Variants in DTWD1 observed in about 807,000 individuals in gnomAD.
DTWD1 encodes the protein DTW motif tRNA-uridine aminocarboxypropyltransferase 1.
A neutral mutation model predicts 30.2 loss-of-function variants in DTWD1; 27 were observed. The ratio of observed to expected loss-of-function variants is 0.90; its 90% CI spans 0.66 to 1.23. The LOEUF is 1.23. Ranked by LOEUF, DTWD1 falls within the 50% of genes most tolerant of loss-of-function variation. DTWD1 has a pLI of 0.00. For synonymous variants in DTWD1, 99 were observed against 113.1 expected, an observed-to-expected ratio of 0.88 and a Z score of 0.79; for missense variants, 342 against 348.8, an observed-to-expected ratio of 0.98 and a Z score of 0.15.
intron 4 of DTWD1, among the ~76,000 whole-genome samples, chr15:49,635,980 C>G (rs577212746): frequency 6.6e-6 from 1 of 152,266 alleles, no homozygotes; most frequent in East Asian, 1.9e-4. Flanking sequence ...TCTCATCCAG[C>G]TTTCCCCACA....
chr15:49,654,911 C>T lies in DTWD1; in HGVS notation c.*11333C>T, dbSNP rs1236558945. On this transcript the variant is annotated 3_prime_UTR_variant, in exon 5 of 5. Transcript: ENST00000403028. Reference sequence around the variant, plus strand: ...AGCATGGTTAGGTGTTTAGTGGGCGCTCCCTTCCTGGTTTGCAGACAGCCA... The same window carrying T: ...AGCATGGTTAGGTGTTTAGTGGGCGTTCCCTTCCTGGTTTGCAGACAGCCA... 2 of 152,058 alleles carry T rather than the reference C, an allele frequency of 1.3e-5. No homozygotes were observed. The highest frequency in any genetic ancestry group is 2.9e-5 in the Non-Finnish European group (2 of 67,988). The allele number at this position is 152,058 out of a possible 1,614,324, so 9.4% of individuals were successfully genotyped here. A position where few individuals can be genotyped will look rare whatever the true frequency, so the allele number is the denominator to read the frequency against.
rs1232350537 is a variant in DTWD1 at position 49,653,112 on chromosome 15, T to C, written c.*9534T>C. 6.6e-6 allele frequency: 1 copy of C among 152,128 alleles called. No homozygotes were observed. Among genetic ancestry groups the C allele is most frequent in the Non-Finnish European group, 1.5e-5 (1 of 68,016 alleles). The allele number at this position is 152,128 out of a possible 1,614,324, so 9.4% of individuals were successfully genotyped here. Reference sequence around the variant, plus strand: ...ACAGAAATTGGTATCAGGAGTGGGGTGTTACCATAACAAAAGGTTAAACCT... The same window carrying C: ...ACAGAAATTGGTATCAGGAGTGGGGCGTTACCATAACAAAAGGTTAAACCT... On this transcript the variant is annotated 3_prime_UTR_variant, in exon 5 of 5. Transcript: ENST00000403028.
At chr15:49,621,936 A>G (rs977704301) in intron 1 of DTWD1, among the ~76,000 whole-genome samples, 14 of 152,216 alleles carry the variant, frequency 9.2e-5, no homozygotes, top group Admixed American at 8.5e-4. Context: ...TCCACAATAT[A>G]GGACAGGGGA....
At chr15:49,633,057 A>ATC (rs1567739412) in intron 3 of DTWD1, among the ~76,000 whole-genome samples, 3 of 146,046 alleles carry the variant, frequency 2.1e-5, no homozygotes, top group African/African-American at 7.4e-5. Context: ...ATCTATATAT[A>ATC]TATATATATA....
At position 49,625,107 on chromosome 15, in the gene DTWD1, T is replaced by G; in HGVS notation, c.-55-6T>G. ...TTTTCCTTCTCTTGATACTTTTTTT[T>G]TACAGTGCACCTATGATATGTGTTT... On this transcript the variant is annotated splice_polypyrimidine_tract_variant and splice_region_variant and intron_variant, in intron 1 of 4. Transcript: ENST00000403028. The G allele has an allele frequency of 6.8e-7, 1 of 1,477,114 alleles. No individual in the cohort carries two copies. The highest frequency in any genetic ancestry group is 9.2e-7 in the Non-Finnish European group (1 of 1,089,762). The allele number at this position is 1,477,114 out of a possible 1,614,324, so 91.5% of individuals were successfully genotyped here. A position where few individuals can be genotyped will look rare whatever the true frequency, so the allele number is the denominator to read the frequency against.
chr15:49,621,255 G>C (rs1391859808), intron 1 of DTWD1, 133 bp downstream of exon 1: 1 of 152,072 alleles, frequency 6.6e-6, no homozygotes, highest in East Asian at 1.9e-4. Context: ...GCTGGGTGTC[G>C]CCTGTGAGGG....
chr15:49,626,622 C>T (rs2078847889), intron 2 of DTWD1: 2 of 311,840 alleles, frequency 6.4e-6, no homozygotes, highest in African/African-American at 4.3e-5. Context: ...CTCATTAGAA[C>T]TTGCCAGTAA....
chr15:49,628,867 T>C (rs532519164), intron 2 of DTWD1, among the ~76,000 whole-genome samples: 2 of 152,330 alleles, frequency 1.3e-5, no homozygotes, highest in African/African-American at 4.8e-5. Flanking sequence ...AATTATACTT[T>C]AAGTTCTTGG....
chr15:49,641,438 A>G (rs1027826786), intron 4 of DTWD1, among the ~76,000 whole-genome samples: 4 of 151,908 alleles, frequency 2.6e-5, no homozygotes, highest in Admixed American at 6.6e-5. Flanking sequence ...CCTGGTTCAC[A>G]TTGTTATTGT....
At chr15:49,628,365 C>G (rs73406052) in intron 2 of DTWD1, among the ~76,000 whole-genome samples, 1 of 152,078 alleles carries the variant, frequency 6.6e-6, no homozygotes, top group African/African-American at 2.4e-5. Flanking sequence ...TGTAGTATAG[C>G]AAATATATAA....
At chr15:49,635,436 A>G (rs2078988119) in intron 4 of DTWD1, among the ~76,000 whole-genome samples, 1 of 152,152 alleles carries the variant, frequency 6.6e-6, no homozygotes, top group South Asian at 2.1e-4. Context: ...CTAAGAAGTT[A>G]GATCTTCTAT....
intron 4 of DTWD1, among the ~76,000 whole-genome samples, chr15:49,637,850 G>A (rs923066807): frequency 1.3e-5 from 2 of 152,124 alleles, no homozygotes; most frequent in South Asian, 2.1e-4. Flanking sequence ...TAGATTTAAC[G>A]AGCTTAATTT....
intron 4 of DTWD1, among the ~76,000 whole-genome samples, chr15:49,640,107 C>A (rs1217505382): frequency 6.6e-6 from 1 of 152,014 alleles, no homozygotes; most frequent in Non-Finnish European, 1.5e-5. Flanking sequence ...CCCCTTCTTC[C>A]CCTGACAGTT....
At position 49,653,062 on chromosome 15, in the gene DTWD1, G is replaced by A. The variant is rs1022650369; in HGVS notation, c.*9484G>A. On this transcript the variant is annotated 3_prime_UTR_variant, in exon 5 of 5. Transcript: ENST00000403028. ...TTTTTTCAGCATATGACATTTTGGA[G>A]TAGTTTGTTATTCAGCAATAGATAA... is the stretch of plus-strand genomic sequence containing the variant. 7.2e-5 allele frequency: 11 copies of A among 152,162 alleles called. No homozygotes were observed. Among genetic ancestry groups the A allele is most frequent in the Non-Finnish European group, 1.2e-4 (8 of 68,034 alleles). 9.4% of individuals were successfully genotyped at this position (152,162 alleles called of 1,614,324 possible).
chr15:49,627,066 A>G (rs1217063176), intron 2 of DTWD1, among the ~76,000 whole-genome samples: 1 of 152,114 alleles, frequency 6.6e-6, no homozygotes, highest in Non-Finnish European at 1.5e-5. Flanking sequence ...AATGGATTGC[A>G]TATTATAATA....
In DTWD1 at chr15:49,645,779, C is replaced by T. The variant is rs1183583133; in HGVS notation, c.*2201C>T. ...TACTTCATAAGAGCCTAATTTACAG[C>T]TAAGGCCAGATAAAATCTCAGGTTC... On this transcript the variant is annotated 3_prime_UTR_variant, in exon 5 of 5. Coordinates refer to ENST00000403028, the MANE Select transcript of DTWD1 (RefSeq NM_001144955.2). The T allele has an allele frequency of 6.6e-6, 1 of 152,126 alleles. No homozygotes were observed. The highest frequency in any genetic ancestry group is 6.6e-5 in the Admixed American group (1 of 15,258). The allele number at this position is 152,126 out of a possible 1,614,324, so 9.4% of individuals were successfully genotyped here.
intron 3 of DTWD1, among the ~76,000 whole-genome samples, chr15:49,633,215 A>G (rs2078955086): frequency 6.6e-6 from 1 of 151,784 alleles, no homozygotes; most frequent in African/African-American, 2.4e-5. Flanking sequence ...CTGTAAGGAG[A>G]TGTGATACGC....
rs931426758 is a variant in DTWD1, at chr15:49,647,135, A to G, written c.*3557A>G. 1.3e-5 allele frequency: 2 copies of G among 152,198 alleles called. No individual in the cohort carries two copies. The highest frequency in any genetic ancestry group is 4.8e-5 in the African/African-American group (2 of 41,468). 9.4% of individuals were successfully genotyped at this position (152,198 alleles called of 1,614,324 possible). A position where few individuals can be genotyped will look rare whatever the true frequency, so the allele number is the denominator to read the frequency against. On this transcript the variant is annotated 3_prime_UTR_variant, in exon 5 of 5. Coordinates refer to ENST00000403028, the MANE Select transcript of DTWD1 (RefSeq NM_001144955.2). ...TGACTTCATTTGTAGAAACATGTAT[A>G]TCTTAAGCATATCAAGTGTCTCATT...
At chr15:49,639,420 G>C (rs76708351) in intron 4 of DTWD1, among the ~76,000 whole-genome samples, 1,662 of 152,150 alleles carry the variant, frequency 0.011, 34 homozygotes, top group African/African-American at 0.039. Context: ...TAATTAGCAA[G>C]GCGTGGTAGT....
Sources: gnomAD v4.1 joint callset for allele counts (sites outside exome capture counted in the v4.1 genomes callset) on GRCh38, gnomAD v4.1.1 for gene constraint, MANE v1.5 for transcripts, NCBI Gene and HGNC (gene_info 2026-07-23, HGNC 2026-07-21) for gene names.